Variants in F7 observed in about 807,000 individuals in gnomAD.
F7 encodes FVII coagulation protein.
In F7, 38 loss-of-function variants were observed where a neutral mutation model predicts 47.5. The observed-to-expected ratio is 0.80, with a 90% CI of 0.62 to 1.05. The LOEUF is 1.05. F7 is among the 50% of genes least tolerant of loss of function. F7 has a pLI of 0.00. For missense variants in F7, 575 were observed against 605.4 expected (o/e 0.95, Z 0.53); for synonymous variants, 244 against 258.5 (o/e 0.94, Z 0.54).
At chr13:113,109,298 C>A (rs573478398) in intron 1 of F7, among the ~76,000 whole-genome samples, 98 of 151,546 alleles carry the variant, frequency 6.5e-4, no homozygotes, top group African/African-American at 2.4e-3. Flanking sequence ...GGGACATGGG[C>A]CTCCCCTCCC....
chr13:113,110,898 G>C, intron 2 of F7, 48 bp downstream of exon 2: 2 of 1,538,832 alleles, frequency 1.3e-6, no homozygotes, highest in Non-Finnish European at 1.8e-6. Context: ...TGCAGGCGGC[G>C]GTGAACCAGG....
At chr13:113,117,836 G>C (rs1275833507) in intron 7 of F7, among the ~76,000 whole-genome samples, 1 of 152,226 alleles carries the variant, frequency 6.6e-6, no homozygotes, top group African/African-American at 2.4e-5. Flanking sequence ...CAGGGGCTGT[G>C]GCTCTGGGCT....
rs992545875 is a variant in F7 at position 113,113,414 on chromosome 13, G to A, written c.226-338G>A. Among the ~76,000 whole-genome samples, 3 of 152,206 alleles carry A rather than the reference G, an allele frequency of 2.0e-5. No individual in the cohort carries two copies. Among genetic ancestry groups the A allele is most frequent in the African/African-American group, 7.2e-5 (3 of 41,450 alleles). On this transcript the variant is annotated intron_variant, in intron 2 of 7. Coordinates refer to ENST00000346342, the MANE Select transcript of F7 (RefSeq NM_019616.4). The surrounding 1 kb of genome is among the most constrained non-coding windows in gnomAD (Gnocchi z 4.1). ...GCATCTGCTACTGCACCCTCTCCCCGTATGTGTGGCCACCCTGTCAGAGGT... is the reference window on the plus strand; with the variant it reads ...GCATCTGCTACTGCACCCTCTCCCCATATGTGTGGCCACCCTGTCAGAGGT...
At chr13:113,106,367 G>A (rs1216828414) in intron 1 of F7, among the ~76,000 whole-genome samples, 1 of 11,112 alleles carries the variant, frequency 9.0e-5, no homozygotes, top group African/African-American at 5.8e-4. Context: ...TCGGGGGTGG[G>A]GATGGCGTGT....
chr13:113,115,708 A>G lies in F7; in HGVS notation c.413A>G (p.Gln138Arg), dbSNP rs200016360. ...ICVNENGGCE[Q>R]YCSDHTGTKR... ...GTGAACGAGAACGGCGGCTGTGAGCAGTACTGCAGTGACCACACGGGCACC... is the reference window on the plus strand; with the variant it reads ...GTGAACGAGAACGGCGGCTGTGAGCGGTACTGCAGTGACCACACGGGCACC... Residue 138 changes from glutamine to arginine, a missense_variant, in exon 5 of 8, where the codon CAG (glutamine) becomes CGG (arginine). Transcript: ENST00000346342. The G allele has an allele frequency of 8.0e-5, 129 of 1,612,954 alleles. No individual in the cohort carries two copies. The highest frequency in any genetic ancestry group is 1.2e-4 in the Admixed American group (7 of 59,996).
rs774831899 is a variant in F7 at position 113,119,044 on chromosome 13, C to T, written c.*36C>T. 7 of 1,572,910 alleles carry T rather than the reference C, an allele frequency of 4.5e-6. No individual in the cohort carries two copies. The East Asian group carries it at 1.6e-4, about 36-fold the overall frequency. Reference sequence around the variant, plus strand: ...CTGGCCTGTGGAGAGAAAGCCAAGGCTGCGTCGAACTGTCCTGGCACCAAA... The same window carrying T: ...CTGGCCTGTGGAGAGAAAGCCAAGGTTGCGTCGAACTGTCCTGGCACCAAA... On this transcript the variant is annotated 3_prime_UTR_variant, in exon 8 of 8. Transcript: ENST00000346342.
At chr13:113,109,188 TGTCCCAGGGGC>T (rs2036039355) in intron 1 of F7, among the ~76,000 whole-genome samples, 4 of 131,688 alleles carry the variant, frequency 3.0e-5, no homozygotes, top group African/African-American at 1.2e-4. Context: ...GAAGTGTGAG[TGTCCCAGGGGC>T]GTGGGTGTCC....
chr13:113,118,346 T>C, intron 7 of F7, 67 bp from the exon 8 acceptor site: 1 of 1,497,040 alleles, frequency 6.7e-7, no homozygotes, highest in Non-Finnish European at 9.1e-7. Flanking sequence ...CCACAGCCCA[T>C]CCCCATGCAC....
intron 5 of F7, 72 bp downstream of exon 5, chr13:113,115,872 A>G: frequency 6.2e-7 from 1 of 1,602,448 alleles, no homozygotes; most frequent in Non-Finnish European, 8.5e-7. Flanking sequence ...TTACTGGACA[A>G]AAGACGGGTG....
chr13:113,114,068 C>T (rs186237760), intron 4 of F7, 108 bp downstream of exon 4: 26 of 1,203,916 alleles, frequency 2.2e-5, no homozygotes, highest in Middle Eastern at 2.7e-4. Context: ...GTGTGTAGGC[C>T]GGGCATTCAG....
rs763731383 is a variant in F7 at position 113,118,894 on chromosome 13, A to G, written c.1221A>G (p.Ala407=). Reference sequence around the variant, plus strand: ...TCGTCAGCTGGGGCCAGGGCTGCGCAACCGTGGGCCACTTTGGGGTGTACA... The same window carrying G: ...TCGTCAGCTGGGGCCAGGGCTGCGCGACCGTGGGCCACTTTGGGGTGTACA... ...TGIVSWGQGC[A]TVGHFGVYTR... is the part of the protein sequence containing the mutation. Residue 407 remains alanine (A), a synonymous_variant, in exon 8 of 8, where the codon GCA becomes GCG. Coordinates refer to ENST00000346342, the MANE Select transcript of F7 (RefSeq NM_019616.4). The G allele has an allele frequency of 2.2e-5, 35 of 1,612,488 alleles. No individual in the cohort carries two copies. The highest frequency in any genetic ancestry group is 3.0e-5 in the Non-Finnish European group (35 of 1,179,794).
chr13:113,116,587 TCAGGCC>T (rs1346271775), intron 5 of F7, among the ~76,000 whole-genome samples, 173 bp from the exon 6 acceptor site: 5 of 152,228 alleles, frequency 3.3e-5, no homozygotes, highest in Non-Finnish European at 5.9e-5. Context: ...GCCCCACCAG[TCAGGCC>T]CAGCCGAGGC....
intron 4 of F7, 83 bp from the exon 5 acceptor site, chr13:113,115,577 T>C: frequency 6.6e-7 from 1 of 1,503,820 alleles, no homozygotes; most frequent in Non-Finnish European, 9.1e-7. Flanking sequence ...ACACCACTGC[T>C]GACCCAGGGC....
chr13:113,108,724 G>T, intron 1 of F7, among the ~76,000 whole-genome samples: 1 of 104,826 alleles, frequency 9.5e-6, no homozygotes, highest in Non-Finnish European at 2.0e-5. Context: ...CCCGGGGGTC[G>T]TGGGTGTCCC....
chr13:113,108,692 AGTGTCCCGGGGGTGTGG>A (rs2036022068), intron 1 of F7, among the ~76,000 whole-genome samples: 1 of 39,184 alleles, frequency 2.6e-5, no homozygotes, highest in Non-Finnish European at 4.7e-5. Context: ...CAGAAGTGTG[AGTGTCCCGGGGGTGTGG>A]GTGTCCCGGG....
Position 113,118,468 on chromosome 13 carries a change from GGTC to G in F7, c.796_798del (p.Val266del). The stretch of plus-strand genomic sequence containing the variant: ...ATGAGCAGAGCCGGCGGGTGGCGCA[GGTC>G]ATCATCCCCAGCACGTACGTCCCGG... On this transcript the variant is annotated inframe_deletion, in exon 8 of 8. Coordinates refer to ENST00000346342, the MANE Select transcript of F7 (RefSeq NM_019616.4). 1 of 1,607,950 alleles carries G rather than the reference GGTC, an allele frequency of 6.2e-7. No homozygotes were observed. Among genetic ancestry groups the G allele is most frequent in the Non-Finnish European group, 8.5e-7 (1 of 1,178,718 alleles).
In F7 at chr13:113,113,512, C is replaced by T. The variant is rs113156666; in HGVS notation, c.226-240C>T. 2.6e-5 allele frequency among the ~76,000 whole-genome samples: 4 copies of T among 152,212 alleles called. No individual in the cohort carries two copies. Among genetic ancestry groups the T allele is most frequent in the African/African-American group, 9.6e-5 (4 of 41,460 alleles). ...AGCGACAGAAGAGTCAGGGTTGAAC[C>T]TCGGGTGTTCTGACTTGGGAGCAGG... On this transcript the variant is annotated intron_variant, in intron 2 of 7. Transcript: ENST00000346342. This position sits in a 1 kb window ranked among gnomAD's most constrained non-coding sequence, Gnocchi z 4.1.
intron 4 of F7, chr13:113,114,697 C>CG: frequency 6.5e-6 from 1 of 154,348 alleles, no homozygotes; most frequent in Admixed American, 6.4e-5. Flanking sequence ...AGTCTCAGCC[C>CG]CTCCAGAGGC....
rs746335937 is a variant in F7 at position 113,118,651 on chromosome 13, G to A, written c.978G>A (p.Leu326=). ...TGGTCAGCGGCTGGGGCCAGCTGCT[G>A]GACCGTGGCGCCACGGCCCTGGAGC... ...FSLVSGWGQL[L]DRGATALELM... The change falls in exon 8 of 8, where the codon CTG becomes CTA. Residue 326 remains leucine, a synonymous_variant. Coordinates refer to ENST00000346342, the MANE Select transcript of F7 (RefSeq NM_019616.4). 6 of 1,612,632 alleles carry A rather than the reference G, an allele frequency of 3.7e-6. No individual in the cohort carries two copies. Among genetic ancestry groups the A allele is most frequent in the Non-Finnish European group, 5.1e-6 (6 of 1,179,916 alleles).
Sources: allele counts gnomAD v4.1 joint callset (sites outside exome capture counted in the v4.1 genomes callset), GRCh38; gene constraint gnomAD v4.1.1; non-coding constraint Gnocchi (gnomAD v3.1); transcripts MANE v1.5; gene names NCBI Gene and HGNC (gene_info 2026-07-23, HGNC 2026-07-21).